The following PTPRD variants were observed in gnomAD, a reference collection of about 807,000 sequenced individuals.
PTPRD encodes the protein receptor-type tyrosine-protein phosphatase delta.
A neutral mutation model predicts 214.5 loss-of-function variants in PTPRD; 34 were observed. That is an observed-to-expected ratio of 0.16 (90% CI 0.12 to 0.21). PTPRD has a LOEUF of 0.21. Among genes scored for constraint, PTPRD ranks in the 10% least tolerant of loss-of-function variants. The pLI is 1.00. For synonymous variants in PTPRD, 1,128 were observed against 845.7 expected, an observed-to-expected ratio of 1.33 and a Z score of -5.79; for missense variants, 2,545 against 2,398.7, an observed-to-expected ratio of 1.06 and a Z score of -1.27.
chr9:9,181,415 G>A (rs970292535), intron 10 of PTPRD, among the ~76,000 whole-genome samples: 2 of 151,738 alleles, frequency 1.3e-5, no homozygotes, highest in African/African-American at 2.4e-5. Context: ...AAAATATGCT[G>A]CCTGTTTCCA....
chr9:9,314,443 T>G (rs540742845), intron 9 of PTPRD, among the ~76,000 whole-genome samples: 3 of 152,136 alleles, frequency 2.0e-5, no homozygotes, highest in Non-Finnish European at 4.4e-5. Context: ...AAATGTCCCA[T>G]CAAAGAATGC....
At chr9:9,071,923 T>C (rs1052363429) in intron 10 of PTPRD, among the ~76,000 whole-genome samples, 2 of 152,202 alleles carry the variant, frequency 1.3e-5, no homozygotes, top group African/African-American at 4.8e-5. Context: ...TTTTAACCTG[T>C]TTGTGTATAA....
At chr9:8,804,624 C>T (rs1004079894) in intron 11 of PTPRD, among the ~76,000 whole-genome samples, 1 of 151,818 alleles carries the variant, frequency 6.6e-6, no homozygotes, top group Non-Finnish European at 1.5e-5. Flanking sequence ...CCCCTCCCGC[C>T]CCACCCCTTC....
At chr9:9,425,372 A>AATG (rs4008102) in intron 8 of PTPRD, among the ~76,000 whole-genome samples, 1 of 122,244 alleles carries the variant, frequency 8.2e-6, no homozygotes, top group Non-Finnish European at 1.7e-5. Context: ...TAAAATATAT[A>AATG]TTATAATATC....
chr9:9,159,374 T>C (rs1276477197), intron 10 of PTPRD, among the ~76,000 whole-genome samples: 1 of 152,146 alleles, frequency 6.6e-6, no homozygotes, highest in African/African-American at 2.4e-5. Context: ...TTGCAGGATA[T>C]AAAATCAATA....
At chr9:9,209,055 G>C (rs1478998109) in intron 9 of PTPRD, among the ~76,000 whole-genome samples, 1 of 151,922 alleles carries the variant, frequency 6.6e-6, no homozygotes, top group African/African-American at 2.4e-5. Flanking sequence ...TGATCGGCCC[G>C]CCTTGGCCTC....
intron 2 of PTPRD, among the ~76,000 whole-genome samples, chr9:10,407,358 G>A (rs1377673448): frequency 6.6e-6 from 1 of 151,356 alleles, no homozygotes; most frequent in Non-Finnish European, 1.5e-5. Context: ...ATATCTTTGC[G>A]AGAATATCCT....
At position 10,475,871 on chromosome 9, in the gene PTPRD, C is replaced by CA. The variant is rs370859582; in HGVS notation, c.-599-134855dup. Among the ~76,000 whole-genome samples the CA allele has an allele frequency of 3.4e-3, 501 of 147,832 alleles. 2 individuals carry two copies. Among genetic ancestry groups the CA allele is most frequent in the Middle Eastern group, 0.014 (4 of 282 alleles). On this transcript the variant is annotated intron_variant, in intron 2 of 45. Transcript: ENST00000381196. ...TCCATCATATAAGTAGAACCAATGA[C>CA]AAAAAAAAACATATGATTATCTCAG...
At position 8,737,036 on chromosome 9, in the gene PTPRD, C is replaced by T. The variant is rs1214721196; in HGVS notation, c.-103-3090G>A. On this transcript the variant is annotated intron_variant, in intron 11 of 45. Coordinates refer to ENST00000381196, the MANE Select transcript of PTPRD (RefSeq NM_002839.4). ...GTCTGTGCAAGCGTATCAGAGCCAA[C>T]TGCTACATAATGACTCCGTGTGATC... 3.3e-5 allele frequency among the ~76,000 whole-genome samples: 5 copies of T among 152,166 alleles called. No individual in the cohort carries two copies. In the East Asian group the frequency reaches 7.7e-4, roughly 23 times the overall value.
At chr9:10,208,315 C>T (rs577325540) in intron 3 of PTPRD, among the ~76,000 whole-genome samples, 187 of 152,246 alleles carry the variant, frequency 1.2e-3, no homozygotes, top group African/African-American at 4.4e-3. Context: ...GAGATCGACG[C>T]CATCCTGGCT....
At chr9:8,343,240 A>C (rs538873936) in intron 39 of PTPRD, among the ~76,000 whole-genome samples, 10 of 152,178 alleles carry the variant, frequency 6.6e-5, no homozygotes, top group African/African-American at 2.4e-4. Context: ...TGGTTTACAG[A>C]CTGGGCTAAC....
At chr9:9,280,723 T>A (rs1438231996) in intron 9 of PTPRD, among the ~76,000 whole-genome samples, 2 of 151,358 alleles carry the variant, frequency 1.3e-5, no homozygotes, top group Non-Finnish European at 3.0e-5. Flanking sequence ...TTTATAGACT[T>A]AATACAATCC....
intron 2 of PTPRD, among the ~76,000 whole-genome samples, chr9:10,517,213 T>TC (rs1440544610): frequency 3.3e-5 from 5 of 152,034 alleles, no homozygotes; most frequent in Non-Finnish European, 7.4e-5. Flanking sequence ...GGGATGTATC[T>TC]CCATTTGTTT....
chr9:9,965,959 T>G (rs1157892491), intron 4 of PTPRD, among the ~76,000 whole-genome samples: 1 of 152,248 alleles, frequency 6.6e-6, no homozygotes. Flanking sequence ...GCATGCTCTC[T>G]TTTGTTTGCT....
Position 8,526,984 on chromosome 9 carries a change from A to G in PTPRD, c.551-340T>C, listed in dbSNP as rs552669782. ...TAAAAAAAAACTATACAATATTTTTAAAGACATAGTTTAGGAAAATACTGG... is the reference window on the plus strand; with the variant it reads ...TAAAAAAAAACTATACAATATTTTTGAAGACATAGTTTAGGAAAATACTGG... On this transcript the variant is annotated intron_variant, in intron 16 of 45. Transcript: ENST00000381196. Among the ~76,000 whole-genome samples the G allele has an allele frequency of 1.7e-4, 26 of 152,050 alleles. No homozygotes were observed. In the East Asian group the frequency reaches 2.5e-3, roughly 15 times the overall value.
At chr9:8,688,287 C>T (rs1321173391) in intron 12 of PTPRD, among the ~76,000 whole-genome samples, 1 of 152,098 alleles carries the variant, frequency 6.6e-6, no homozygotes, top group Non-Finnish European at 1.5e-5. Context: ...AAAAATATAG[C>T]CAGGCGTGGT....
At chr9:10,472,738 A>G (rs1356877682) in intron 2 of PTPRD, among the ~76,000 whole-genome samples, 1 of 152,096 alleles carries the variant, frequency 6.6e-6, no homozygotes, top group African/African-American at 2.4e-5. Flanking sequence ...TCTCTTATAC[A>G]TGGAGAATAC....
chr9:9,250,590 T>A (rs1038636093), intron 9 of PTPRD, among the ~76,000 whole-genome samples: 1 of 152,102 alleles, frequency 6.6e-6, no homozygotes, highest in African/African-American at 2.4e-5. Flanking sequence ...TTTTTGAGTT[T>A]ACTTAAAGCC....
intron 11 of PTPRD, among the ~76,000 whole-genome samples, chr9:8,852,458 G>C (rs1377996971): frequency 6.6e-6 from 1 of 152,228 alleles, no homozygotes; most frequent in Non-Finnish European, 1.5e-5. Flanking sequence ...CCTTGACTCA[G>C]ATGGCTGCTT....
Sources: allele counts gnomAD v4.1 joint callset (sites outside exome capture counted in the v4.1 genomes callset), GRCh38; gene constraint gnomAD v4.1.1; transcripts MANE v1.5; gene names NCBI Gene and HGNC (gene_info 2026-07-23, HGNC 2026-07-21).